KAZN: variants seen among roughly 807,000 people sequenced by gnomAD.
KAZN encodes the protein kazrin, periplakin interacting protein, also known as kazrin.
In KAZN, 40 loss-of-function variants were observed where a neutral mutation model predicts 87.4. The observed-to-expected ratio is 0.46, with a 90% confidence interval of 0.36 to 0.60. The LOEUF (loss-of-function observed/expected upper bound fraction) is 0.60. KAZN is among the 20% of genes least tolerant of loss of function. The probability of loss-of-function intolerance (pLI) is 0.00; values close to 1 mark genes in which losing one functional copy is unlikely to be tolerated. For missense variants in KAZN, 898 were observed against 1,073.9 expected (o/e 0.84, Z 2.29); for synonymous variants, 466 against 458.3 (o/e 1.02, Z -0.22).
upstream of KAZN, among the ~76,000 whole-genome samples, chr1:14,598,417 C>T (rs1370578615): frequency 1.3e-5 from 2 of 152,184 alleles, no homozygotes; most frequent in Non-Finnish European, 2.9e-5. The surrounding 1 kb of genome is among the most constrained non-coding windows in gnomAD (Gnocchi z 4.2). Context: ...CTCGGGGCAC[C>T]AGTTCTCCAG....
rs370118125 is a variant in KAZN, at chr1:14,514,426, A to T, written c.250-84557A>T. On this transcript the variant is annotated intron_variant, in intron 2 of 16. Transcript: ENST00000636203. ...ATATATAATATATAAATATATATAT[A>T]ATATATATAATTGCAAAATATATAT... Among the ~76,000 whole-genome samples the T allele has an allele frequency of 6.6e-4, 35 of 52,670 alleles. 2 individuals carry two copies. The highest frequency in any genetic ancestry group is 2.1e-3 in the African/African-American group (30 of 14,560). 34.6% of individuals were successfully genotyped at this position (52,670 alleles called of 152,430 possible).
intron 1 of KAZN, among the ~76,000 whole-genome samples, chr1:14,864,919 G>GA (rs1557568448): frequency 1.3e-5 from 2 of 152,140 alleles, no homozygotes; most frequent in African/African-American, 2.4e-5. Context: ...ATTACTGCAT[G>GA]AAAAAAGCTC....
chr1:14,745,543 C>T (rs1026791410), intron 1 of KAZN, among the ~76,000 whole-genome samples: 19 of 152,052 alleles, frequency 1.2e-4, no homozygotes, highest in Admixed American at 2.0e-4. Flanking sequence ...TTTTAAATCT[C>T]GCCATTGAGT....
At chr1:14,855,486 A>C (rs1649989023) in intron 1 of KAZN, among the ~76,000 whole-genome samples, 1 of 152,154 alleles carries the variant, frequency 6.6e-6, no homozygotes, top group Non-Finnish European at 1.5e-5. Flanking sequence ...TTTGCCACCC[A>C]GTTGGATGGA....
intron 2 of KAZN, among the ~76,000 whole-genome samples, chr1:14,551,750 A>G (rs943121548): frequency 2.6e-5 from 4 of 152,178 alleles, no homozygotes; most frequent in African/African-American, 9.7e-5. Flanking sequence ...ACCCCAGCAG[A>G]AACAGCAAAG....
At chr1:14,254,500 G>A (rs1298850788) in intron 2 of KAZN, among the ~76,000 whole-genome samples, 1 of 152,112 alleles carries the variant, frequency 6.6e-6, no homozygotes, top group Admixed American at 6.6e-5. Flanking sequence ...TCAATATAGT[G>A]GGGTGAGGTT....
chr1:13,903,817 G>A (rs1483947533), intron 1 of KAZN, among the ~76,000 whole-genome samples: 1 of 152,156 alleles, frequency 6.6e-6, no homozygotes, highest in African/African-American at 2.4e-5. Flanking sequence ...CTCTAAGAGG[G>A]TGGTGCTCTT....
intron 2 of KAZN, among the ~76,000 whole-genome samples, chr1:14,475,557 C>T (rs1202612070): frequency 1.3e-5 from 2 of 152,088 alleles, no homozygotes; most frequent in African/African-American, 4.8e-5. Flanking sequence ...TAAAACCCAG[C>T]AAAACAATAA....
At chr1:14,441,885 G>A (rs1666727416) in intron 2 of KAZN, among the ~76,000 whole-genome samples, 1 of 152,228 alleles carries the variant, frequency 6.6e-6, no homozygotes, top group South Asian at 2.1e-4. Context: ...GTAGCCAGAA[G>A]ATCTAAGTTA....
At chr1:14,629,071 T>C (rs1320537188) in intron 1 of KAZN, among the ~76,000 whole-genome samples, 1 of 152,128 alleles carries the variant, frequency 6.6e-6, no homozygotes, top group Non-Finnish European at 1.5e-5. Context: ...GGTCTTGAAC[T>C]CCTGACCTCA....
chr1:14,232,515 G>T (rs1647958608), intron 2 of KAZN, among the ~76,000 whole-genome samples: 2 of 152,120 alleles, frequency 1.3e-5, no homozygotes, highest in South Asian at 4.1e-4. Flanking sequence ...CTCCCTAGGG[G>T]CCGACAAGGT....
At chr1:14,547,964 C>T (rs1190687054) in intron 2 of KAZN, among the ~76,000 whole-genome samples, 1 of 151,382 alleles carries the variant, frequency 6.6e-6, no homozygotes, top group Non-Finnish European at 1.5e-5. Flanking sequence ...TTTTGGATTC[C>T]CTGGGCCACA....
At chr1:14,151,875 T>A (rs1645480512) in intron 1 of KAZN, among the ~76,000 whole-genome samples, 1 of 152,142 alleles carries the variant, frequency 6.6e-6, no homozygotes, top group Non-Finnish European at 1.5e-5. Flanking sequence ...GGAATTATGG[T>A]TGTGGTATGA....
At chr1:15,085,338 T>C (rs976759779) in intron 8 of KAZN, among the ~76,000 whole-genome samples, 6 of 150,930 alleles carry the variant, frequency 4.0e-5, no homozygotes, top group Admixed American at 4.0e-4. Context: ...TATTATTTTG[T>C]TTTTTTTGAG....
chr1:14,290,085 C>T (rs1653562485), intron 2 of KAZN, among the ~76,000 whole-genome samples: 1 of 152,276 alleles, frequency 6.6e-6, no homozygotes, highest in South Asian at 2.1e-4. Flanking sequence ...GGTAACCCGA[C>T]CTTTCTCTCT....
At chr1:14,015,177 T>C (rs1193550453) in intron 1 of KAZN, among the ~76,000 whole-genome samples, 1 of 152,196 alleles carries the variant, frequency 6.6e-6, no homozygotes, top group Non-Finnish European at 1.5e-5. Flanking sequence ...AATTATATTT[T>C]CCTACTGGTG....
intron 2 of KAZN, among the ~76,000 whole-genome samples, chr1:14,185,662 T>G (rs1356826325): frequency 6.6e-6 from 1 of 152,198 alleles, no homozygotes; most frequent in African/African-American, 2.4e-5. Flanking sequence ...TTTTGTTTTG[T>G]TTTTGTTTCA....
rs1639983078 is a variant in KAZN, at chr1:15,081,068, T to C, written c.1223-13112T>C. Among the ~76,000 whole-genome samples, 1 of 152,248 alleles carries C rather than the reference T, an allele frequency of 6.6e-6. No individual in the cohort carries two copies. The highest frequency in any genetic ancestry group is 2.1e-4 in the South Asian group (1 of 4,830). ...AGAGGGGCCACAGGTGACCCTGCTG[T>C]GGCTGGAAGAGGCGTGGACGAGGCG... On this transcript the variant is annotated intron_variant, in intron 8 of 14. Coordinates refer to ENST00000376030, the MANE Select transcript of KAZN (RefSeq NM_201628.3). The surrounding 1 kb of genome is among the most constrained non-coding windows in gnomAD (Gnocchi z 4.1).
At position 13,981,089 on chromosome 1, in the gene KAZN, T is replaced by TATATATATATATATATATATATATATATA. The variant is rs1553181094; in HGVS notation, c.91+87333_91+87334insATATATATATATATATATATATATATATA. ...TTGGAGAGGTATAAAAAATTACTCT[T>TATATATATATATATATATATATATATATA]TATATATATATATATATATATGTAT... On this transcript the variant is annotated intron_variant, in intron 1 of 16. Coordinates refer to the KAZN transcript ENST00000636203. Among the ~76,000 whole-genome samples, 211 of 63,050 alleles carry TATATATATATATATATATATATATATATA rather than the reference T, an allele frequency of 3.3e-3. 23 individuals are homozygous for TATATATATATATATATATATATATATATA. The highest frequency in any genetic ancestry group is 5.5e-3 in the Non-Finnish European group (162 of 29,550). The allele number at this position is 63,050 out of a possible 152,430, so 41.4% of individuals were successfully genotyped here.
Sources: allele counts gnomAD v4.1 joint callset (sites outside exome capture counted in the v4.1 genomes callset), GRCh38; gene constraint gnomAD v4.1.1; non-coding constraint Gnocchi (gnomAD v3.1); transcripts MANE v1.5; gene names NCBI Gene and HGNC (gene_info 2026-07-23, HGNC 2026-07-21).